The following KAZN variants were observed in gnomAD, a reference collection of about 807,000 sequenced individuals.
The protein encoded by KAZN is kazrin, periplakin interacting protein.
In KAZN, 40 loss-of-function variants were observed where a neutral mutation model predicts 87.4. The ratio of observed to expected loss-of-function variants is 0.46; its 90% CI spans 0.36 to 0.60. The LOEUF (loss-of-function observed/expected upper bound fraction) is 0.60, where lower values mean the gene tolerates loss of function less well. KAZN is among the 20% of genes least tolerant of loss of function. The probability of loss-of-function intolerance (pLI) is 0.00; values close to 1 mark genes in which losing one functional copy is unlikely to be tolerated. For synonymous variants in KAZN, 466 were observed against 458.3 expected (o/e 1.02, Z -0.22); for missense variants, 898 against 1,073.9 (o/e 0.84, Z 2.29).
chr1:13,893,599 C>G, exon 1 of KAZN: 2 of 1,530,124 alleles, frequency 1.3e-6, no homozygotes, highest in Non-Finnish European at 1.8e-6. Context: ...CGACGGCATC[C>G]TTTGCTCTGA....
At chr1:14,222,962 A>G (rs1036932253) in intron 2 of KAZN, 3 of 152,176 alleles carry the variant, frequency 2.0e-5, no homozygotes, top group African/African-American at 7.2e-5. Context: ...TTTTAAATAG[A>G]TAGGTTTAAA....
chr1:14,681,605 GTATATGTGTATATATATATATATATA>G (rs1640583238), intron 1 of KAZN, among the ~76,000 whole-genome samples: 1 of 22,490 alleles, frequency 4.4e-5, no homozygotes, highest in Non-Finnish European at 8.8e-5. Flanking sequence ...ATATATATAT[GTATATGTGTATATATATATATATATA>G]TATATATATA....
At chr1:14,327,779 C>T (rs1656545656) in intron 2 of KAZN, among the ~76,000 whole-genome samples, 1 of 152,150 alleles carries the variant, frequency 6.6e-6, no homozygotes, top group East Asian at 1.9e-4. Flanking sequence ...TTTGTACAAA[C>T]ACTAATCACG....
upstream of KAZN, among the ~76,000 whole-genome samples, chr1:14,595,680 C>CAAAAAAAAAAAA (rs34080804): frequency 1.0e-4 from 10 of 96,668 alleles, no homozygotes; most frequent in African/African-American, 3.6e-4. Flanking sequence ...GACTGCGTCT[C>CAAAAAAAAAAAA]AAAAAAAAAA....
In KAZN at chr1:14,825,192, G is replaced by A. The variant is rs372035300; in HGVS notation, c.227-135492G>A. Among the ~76,000 whole-genome samples, 30 of 152,322 alleles carry A rather than the reference G, an allele frequency of 2.0e-4. No individual in the cohort carries two copies. In the South Asian group the frequency reaches 4.6e-3, roughly 23 times the overall value. On this transcript the variant is annotated intron_variant, in intron 1 of 14. Coordinates refer to ENST00000376030, the MANE Select transcript of KAZN (RefSeq NM_201628.3). ...AAAGGCCTGGACCATCCCTGAGGCC[G>A]CGAAGGCACAGAGAGAACAGAACAG...
At chr1:14,244,207 T>C (rs1223896448) in intron 2 of KAZN, among the ~76,000 whole-genome samples, 1 of 152,236 alleles carries the variant, frequency 6.6e-6, no homozygotes, top group Non-Finnish European at 1.5e-5. Context: ...CTGTGTTTCC[T>C]GTTCCCTCCA....
chr1:14,372,294 T>C (rs979298700), intron 2 of KAZN, among the ~76,000 whole-genome samples: 2 of 152,244 alleles, frequency 1.3e-5, no homozygotes, highest in African/African-American at 4.8e-5. Context: ...AATGTCTCTA[T>C]AATTGCCAAA....
At chr1:14,099,009 T>C (rs1238691060) in intron 1 of KAZN, among the ~76,000 whole-genome samples, 1 of 152,188 alleles carries the variant, frequency 6.6e-6, no homozygotes, top group Non-Finnish European at 1.5e-5. Context: ...GTTTGGAGCC[T>C]GGGCTAAGGC....
chr1:14,072,805 C>A (rs573699629), intron 1 of KAZN, among the ~76,000 whole-genome samples: 1 of 152,116 alleles, frequency 6.6e-6, no homozygotes, highest in African/African-American at 2.4e-5. Context: ...TGTGTAAGGG[C>A]GAAATGAGAT....
intron 1 of KAZN, among the ~76,000 whole-genome samples, chr1:13,926,677 G>A (rs1054866168): frequency 6.6e-6 from 1 of 151,358 alleles, no homozygotes; most frequent in Non-Finnish European, 1.5e-5. Flanking sequence ...AATCTCCTGG[G>A]AACTTCAGTG....
intron 1 of KAZN, among the ~76,000 whole-genome samples, chr1:14,154,832 C>T (rs529303933): frequency 6.6e-6 from 1 of 152,302 alleles, no homozygotes; most frequent in South Asian, 2.1e-4. Context: ...CCTTGCATCC[C>T]AAAGATATAT....
At chr1:14,725,216 A>G (rs985124062) in intron 1 of KAZN, among the ~76,000 whole-genome samples, 18 of 152,116 alleles carry the variant, frequency 1.2e-4, no homozygotes, top group Non-Finnish European at 2.1e-4. Context: ...TTCAAATGTT[A>G]TCACCAGTCT....
At chr1:14,871,650 G>A (rs1652145134) in intron 1 of KAZN, among the ~76,000 whole-genome samples, 1 of 5,904 alleles carries the variant, frequency 1.7e-4, no homozygotes, top group South Asian at 8.1e-3. Flanking sequence ...ATGAGCAGCA[G>A]TGTGTGTGTG....
chr1:14,834,492 G>C (rs61772313), intron 1 of KAZN, among the ~76,000 whole-genome samples: 1 of 150,994 alleles, frequency 6.6e-6, no homozygotes, highest in Non-Finnish European at 1.5e-5. Context: ...CTCCCAAGTA[G>C]CTGGGACTAC....
chr1:14,430,131 G>A (rs973990638), intron 2 of KAZN, among the ~76,000 whole-genome samples: 1 of 148,206 alleles, frequency 6.7e-6, no homozygotes, highest in African/African-American at 2.5e-5. Context: ...GTGCTCAAAT[G>A]TCATCTTTTC....
intron 2 of KAZN, among the ~76,000 whole-genome samples, chr1:14,327,784 A>G (rs369542150): frequency 1.3e-5 from 2 of 152,300 alleles, no homozygotes; most frequent in East Asian, 1.9e-4. Context: ...ACAAACACTA[A>G]TCACGCATTC....
At chr1:15,060,031 G>C in intron 5 of KAZN, 141 bp from the exon 6 acceptor site, 1 of 1,098,274 alleles carries the variant, frequency 9.1e-7, no homozygotes, top group Non-Finnish European at 1.3e-6. Flanking sequence ...GGGGGTTGGA[G>C]AACCAGGCAA....
At chr1:14,926,307 G>A (rs1659161973) in intron 1 of KAZN, among the ~76,000 whole-genome samples, 1 of 152,262 alleles carries the variant, frequency 6.6e-6, no homozygotes, top group East Asian at 1.9e-4. Flanking sequence ...GTGGAGATAG[G>A]GCTGTTTACT....
intron 1 of KAZN, among the ~76,000 whole-genome samples, chr1:14,852,777 T>C (rs1649613391): frequency 6.6e-6 from 1 of 152,196 alleles, no homozygotes; most frequent in Non-Finnish European, 1.5e-5. Context: ...GTAATAAGAT[T>C]ACGTGTTAGC....
Sources: allele counts gnomAD v4.1 joint callset (sites outside exome capture counted in the v4.1 genomes callset), GRCh38; gene constraint gnomAD v4.1.1; transcripts MANE v1.5; gene names NCBI Gene and HGNC (gene_info 2026-07-23, HGNC 2026-07-21).